The following CUL3 variants were observed in gnomAD, a reference collection of about 807,000 sequenced individuals.
CUL3 encodes the protein cullin-3.
CUL3 carries 19 observed loss-of-function variants against 89.1 expected under a neutral mutation model. The observed-to-expected ratio is 0.21, with a 90% CI of 0.15 to 0.31. The LOEUF (loss-of-function observed/expected upper bound fraction) is 0.31, where lower values mean the gene tolerates loss of function less well. CUL3 is among the 10% of genes least tolerant of loss of function. The pLI, the probability that CUL3 is intolerant of heterozygous loss-of-function variation, is 1.00. For missense variants in CUL3, 469 were observed against 942.3 expected (o/e 0.50, Z 6.58); for synonymous variants, 351 against 308.4 (o/e 1.14, Z -1.45).
chr2:224,519,998 G>C (rs1693204316), intron 3 of CUL3, among the ~76,000 whole-genome samples: 1 of 151,490 alleles, frequency 6.6e-6, no homozygotes, highest in South Asian at 2.1e-4. Flanking sequence ...CCAAAATGTA[G>C]TGACCAAAAT....
chr2:224,499,429 C>T (rs1413511727), intron 11 of CUL3: 3 of 240,158 alleles, frequency 1.2e-5, no homozygotes, highest in South Asian at 1.6e-4. Context: ...TCAAAGAGGT[C>T]GTGACAGATA....
chr2:224,549,901 C>T (rs1350479373), intron 2 of CUL3, among the ~76,000 whole-genome samples: 1 of 152,054 alleles, frequency 6.6e-6, no homozygotes, highest in African/African-American at 2.4e-5. Flanking sequence ...CGCAAAATGG[C>T]TGTGAAAAAC....
At chr2:224,500,537 T>TTTCTG (rs1227617878) in intron 10 of CUL3, 50 bp from the exon 11 acceptor site, 1 of 1,592,440 alleles carries the variant, frequency 6.3e-7, no homozygotes, top group East Asian at 2.2e-5. Flanking sequence ...TAGGATTTGC[T>TTTCTG]TTCTGTTCTG....
intron 14 of CUL3, among the ~76,000 whole-genome samples, chr2:224,480,399 C>A (rs1445836765): frequency 6.6e-6 from 1 of 152,088 alleles, no homozygotes; most frequent in African/African-American, 2.4e-5. Context: ...CATTTAAAAA[C>A]CATTCCCAAG....
chr2:224,533,914 C>A (rs959018921), intron 3 of CUL3, among the ~76,000 whole-genome samples: 13 of 152,092 alleles, frequency 8.5e-5, no homozygotes, highest in Non-Finnish European at 1.6e-4. Context: ...ATTCACAGAG[C>A]AGAACAAAAA....
At chr2:224,515,969 C>A (rs962898873) in intron 3 of CUL3, among the ~76,000 whole-genome samples, 7 of 152,072 alleles carry the variant, frequency 4.6e-5, no homozygotes, top group African/African-American at 1.7e-4. Flanking sequence ...GGATTACAGG[C>A]GTGAGCCACC....
chr2:224,513,115 G>C (rs1314381316), intron 5 of CUL3, among the ~76,000 whole-genome samples: 1 of 152,174 alleles, frequency 6.6e-6, no homozygotes, highest in Non-Finnish European at 1.5e-5. Context: ...TATTGTAAGA[G>C]TACAATATGC....
rs141110970 is a variant in CUL3, at chr2:224,486,228, C to A, written c.1843-4150G>T. On this transcript the variant is annotated intron_variant, in intron 13 of 15. Coordinates refer to ENST00000264414, the MANE Select transcript of CUL3 (RefSeq NM_003590.5). ...TCTCCTCCAAAGGATCAGAACTCCT[C>A]GCCAGCAAGGGCACAAAACTGGATG... Among the ~76,000 whole-genome samples, 118 of 152,220 alleles carry A rather than the reference C, an allele frequency of 7.8e-4. 1 individual carries two copies. Among genetic ancestry groups the A allele is most frequent in the Non-Finnish European group, 1.4e-3 (98 of 68,010 alleles).
chr2:224,502,130 T>G (rs962118267), intron 10 of CUL3, among the ~76,000 whole-genome samples: 4 of 152,182 alleles, frequency 2.6e-5, no homozygotes, highest in African/African-American at 4.8e-5. Flanking sequence ...AATGAATGGT[T>G]ATTCTACAGA....
intron 2 of CUL3, among the ~76,000 whole-genome samples, chr2:224,550,075 T>C (rs1694455770): frequency 6.6e-6 from 1 of 152,182 alleles, no homozygotes; most frequent in Non-Finnish European, 1.5e-5. Flanking sequence ...TGGGCCCTCT[T>C]TTCTCTTGTC....
At chr2:224,514,433 A>G (rs183656377) in intron 4 of CUL3, among the ~76,000 whole-genome samples, 179 bp downstream of exon 4, 83 of 152,338 alleles carry the variant, frequency 5.4e-4, no homozygotes, top group African/African-American at 1.9e-3. Context: ...AATATAAAAG[A>G]TGTGTGCTTT....
chr2:224,569,850 G>A, intron 1 of CUL3: 2 of 996,376 alleles, frequency 2.0e-6, no homozygotes, highest in Non-Finnish European at 1.2e-6. Context: ...AACAGGGTGG[G>A]TGGGGGAAAG....
intron 12 of CUL3, among the ~76,000 whole-genome samples, chr2:224,496,322 G>A (rs535940742): frequency 2.0e-4 from 30 of 152,286 alleles, no homozygotes; most frequent in African/African-American, 7.0e-4. Context: ...GAGCCACCAC[G>A]CCTGACCAAT....
At chr2:224,523,865 C>G (rs1182698713) in intron 3 of CUL3, among the ~76,000 whole-genome samples, 2 of 152,118 alleles carry the variant, frequency 1.3e-5, no homozygotes, top group Non-Finnish European at 2.9e-5. Context: ...GTGATCAAAT[C>G]ATAAACAGAG....
At chr2:224,477,510 A>G (rs986469693) in intron 15 of CUL3, among the ~76,000 whole-genome samples, 15 of 152,180 alleles carry the variant, frequency 9.9e-5, no homozygotes, top group African/African-American at 2.7e-4. Context: ...TCTAGCCCTC[A>G]TGTCTATTGT....
At chr2:224,557,192 CAAT>C (rs1694739684) in intron 2 of CUL3, among the ~76,000 whole-genome samples, 1 of 151,984 alleles carries the variant, frequency 6.6e-6, no homozygotes, top group South Asian at 2.1e-4. Flanking sequence ...AACAGCCCAA[CAAT>C]AATTTATCTT....
At chr2:224,560,830 A>G (rs1487120884) in intron 1 of CUL3, among the ~76,000 whole-genome samples, 1 of 152,230 alleles carries the variant, frequency 6.6e-6, no homozygotes, top group African/African-American at 2.4e-5. Context: ...GTTGAAGTCA[A>G]AGTCCTTACA....
chr2:224,503,633 C>T lies in CUL3; in HGVS notation c.1377+19G>A, dbSNP rs2106196309. The stretch of plus-strand genomic sequence containing the variant: ...AACCTCAGTTAGGTGCACTCTATTT[C>T]ATCTAAAACACACCTTACCTTTAAC... On this transcript the variant is annotated intron_variant, in intron 9 of 15. Transcript: ENST00000264414. 6.5e-7 allele frequency: 1 copy of T among 1,542,572 alleles called. No individual in the cohort carries two copies. The highest frequency in any genetic ancestry group is 8.7e-7 in the Non-Finnish European group (1 of 1,148,790).
At chr2:224,483,319 C>G (rs982351973) in intron 13 of CUL3, among the ~76,000 whole-genome samples, 2 of 152,064 alleles carry the variant, frequency 1.3e-5, no homozygotes, top group African/African-American at 4.8e-5. Context: ...GTAACTATTA[C>G]CAAAAGTATT....
Sources: gnomAD v4.1 joint callset for allele counts (sites outside exome capture counted in the v4.1 genomes callset) on GRCh38, gnomAD v4.1.1 for gene constraint, MANE v1.5 for transcripts, NCBI Gene and HGNC (gene_info 2026-07-23, HGNC 2026-07-21) for gene names.